The following EPHB6 variants were observed in gnomAD, a reference collection of about 807,000 sequenced individuals.
EPHB6 encodes ephrin type-B receptor 6.
In EPHB6, 51 loss-of-function variants were observed where a neutral mutation model predicts 107.0. The ratio of observed to expected loss-of-function variants is 0.48; its 90% CI spans 0.38 to 0.60. EPHB6 has a LOEUF of 0.60. EPHB6 is among the 20% of genes least tolerant of loss of function. The pLI is 0.00. For synonymous variants in EPHB6, 553 were observed against 549.0 expected, an observed-to-expected ratio of 1.01 and a Z score of -0.10; for missense variants, 1,141 against 1,355.5, an observed-to-expected ratio of 0.84 and a Z score of 2.48.
In EPHB6 at chr7:142,867,768, A is replaced by G; in HGVS notation, c.1865+46A>G. ...AACTCTGCCCAGCACCATTAACTCC[A>G]CAGCCAAACCTCAAGTCCTGCCAAG... On this transcript the variant is annotated intron_variant, in intron 12 of 19. Coordinates refer to ENST00000652003, the MANE Select transcript of EPHB6 (RefSeq NM_004445.6). The surrounding 1 kb of genome is among the most constrained non-coding windows in gnomAD (Gnocchi z 5.3). 1 of 1,546,416 alleles carries G rather than the reference A, an allele frequency of 6.5e-7. No homozygotes were observed. Among genetic ancestry groups the G allele is most frequent in the Non-Finnish European group, 8.8e-7 (1 of 1,137,268 alleles).
chr7:142,866,693 G>A lies in EPHB6; in HGVS notation c.1587+88G>A, dbSNP rs1385848450. 1.1e-5 allele frequency: 18 copies of A among 1,608,030 alleles called. No individual in the cohort carries two copies. Among genetic ancestry groups the A allele is most frequent in the Non-Finnish European group, 1.5e-5 (18 of 1,177,626 alleles). Reference sequence around the variant, plus strand: ...GGCCCAGAGGTGACCAGGTGCACAGGAGGAATGAGGGGTCCGCAACAGGGC... The same window carrying A: ...GGCCCAGAGGTGACCAGGTGCACAGAAGGAATGAGGGGTCCGCAACAGGGC... On this transcript the variant is annotated intron_variant, in intron 10 of 19. Transcript: ENST00000652003. This position sits in a 1 kb window ranked among gnomAD's most constrained non-coding sequence, Gnocchi z 5.2.
rs6944571 is a variant in EPHB6 at position 142,868,408 on chromosome 7, G to C, written c.2038+48G>C. On this transcript the variant is annotated intron_variant, in intron 14 of 19. Coordinates refer to ENST00000652003, the MANE Select transcript of EPHB6 (RefSeq NM_004445.6). This position sits in a 1 kb window ranked among gnomAD's most constrained non-coding sequence, Gnocchi z 4.2. Reference sequence around the variant, plus strand: ...ATCAGAGCGACGGGGCTCCCTTGTGGCCTCCGCTGGCCAGAGTCCCATCCA... The same window carrying C: ...ATCAGAGCGACGGGGCTCCCTTGTGCCCTCCGCTGGCCAGAGTCCCATCCA... 0.54 allele frequency: 871,716 copies of C among 1,613,742 alleles called. 246,285 individuals are homozygous for C. Among genetic ancestry groups the C allele is most frequent in the East Asian group, 0.87 (39,162 of 44,842 alleles).
rs1296617254 is a variant in EPHB6, at chr7:142,870,591, G to T, written c.2866G>T (p.Ala956Ser). ...LDFPCLDSPQAWLSAIGLECY... is the reference protein window; with the variant it reads ...LDFPCLDSPQSWLSAIGLECY... ...CTTTCCTTGTCTGGACTCACCCCAG[G>T]CCTGGCTTTCAGCCATTGGACTGGA... Residue 956 changes from alanine (A) to serine (S), a missense_variant, in exon 19 of 20, where the codon GCC (alanine) becomes TCC (serine). Physicochemically the swap from Ala to Ser is moderately conservative, Grantham distance 99. This residue lies in a region of EPHB6 where 616 missense variants were observed against 759.3 expected (regional missense o/e 0.81). Coordinates refer to ENST00000652003, the MANE Select transcript of EPHB6 (RefSeq NM_004445.6). 2 of 1,614,228 alleles carry T rather than the reference G, an allele frequency of 1.2e-6. No homozygotes were observed. The highest frequency in any genetic ancestry group is 1.7e-5 in the Admixed American group (1 of 60,026).
rs1348266585 is a variant in EPHB6 at position 142,866,859 on chromosome 7, A to G, written c.1588-47A>G. ...GGCTGGGGGCCTTAGGGGCAGAAGC[A>G]GGGGCAAGAGGGGGCCAGGCAGGGA... On this transcript the variant is annotated intron_variant, in intron 10 of 19. Coordinates refer to ENST00000652003, the MANE Select transcript of EPHB6 (RefSeq NM_004445.6). The surrounding 1 kb of genome is among the most constrained non-coding windows in gnomAD (Gnocchi z 5.2). 5 of 1,613,608 alleles carry G rather than the reference A, an allele frequency of 3.1e-6. No individual in the cohort carries two copies. Among genetic ancestry groups the G allele is most frequent in the Non-Finnish European group, 3.4e-6 (4 of 1,179,812 alleles).
rs774101812 is a variant in EPHB6 at position 142,864,368 on chromosome 7, C to T, written c.568C>T (p.Arg190Trp). Residue 190 changes from arginine (R) to tryptophan (W), a missense_variant, in exon 7 of 20, where the codon CGG becomes TGG. By Grantham distance (101) the Arg-to-Trp change is moderately radical. This residue lies in a region of EPHB6 where 221 missense variants were observed against 300.5 expected (regional missense o/e 0.74). Coordinates refer to ENST00000652003, the MANE Select transcript of EPHB6 (RefSeq NM_004445.6). The stretch of plus-strand genomic sequence containing the variant: ...TGTGGGACCCCACGGGGCTGGGCAG[C>T]GGGCTGGACTGCAACTGAACGTCAA... ...WAVGPHGAGQ[R>W]AGLQLNVKER... is the part of the protein sequence containing the mutation. 5.0e-6 allele frequency: 8 copies of T among 1,613,248 alleles called. No individual in the cohort carries two copies. The highest frequency in any genetic ancestry group is 5.1e-6 in the Non-Finnish European group (6 of 1,179,978).
rs1008598265 is a variant in EPHB6 at position 142,858,994 on chromosome 7, G to A, written c.-431-2058G>A. 7.2e-5 allele frequency among the ~76,000 whole-genome samples: 11 copies of A among 152,222 alleles called. No homozygotes were observed. In the South Asian group the frequency reaches 1.9e-3, roughly 26 times the overall value. On this transcript the variant is annotated intron_variant, in intron 1 of 19. Coordinates refer to ENST00000652003, the MANE Select transcript of EPHB6 (RefSeq NM_004445.6). The stretch of plus-strand genomic sequence containing the variant: ...CCTAAAACTTTGTCTAATCCGTCTC[G>A]TTTTCTCCACCATTGTTTTATGTTC...
chr7:142,861,690 T>A (rs1802849597), intron 2 of EPHB6, among the ~76,000 whole-genome samples: 1 of 152,268 alleles, frequency 6.6e-6, no homozygotes, highest in African/African-American at 2.4e-5. Flanking sequence ...AATTTTACTG[T>A]CTTCCAATTG....
Position 142,866,056 on chromosome 7 carries a change from A to T in EPHB6, c.1202A>T (p.Asp401Val). ...CCTCGGGAGCTGGGGGGTCGAGGGG[A>T]CCTGCTCTTCAATGTCGTGTGCAAG... ...RLPRELGGRG[D>V]LLFNVVCKEC... is the part of the protein sequence containing the mutation. Residue 401 changes from aspartate to valine, a missense_variant, in exon 9 of 20, where the codon GAC (aspartate) becomes GTC (valine). Physicochemically the swap from Asp to Val is radical, Grantham distance 152 (BLOSUM62 -3). Coordinates refer to ENST00000652003, the MANE Select transcript of EPHB6 (RefSeq NM_004445.6). The surrounding 1 kb of genome is among the most constrained non-coding windows in gnomAD (Gnocchi z 5.2). The T allele has an allele frequency of 6.2e-7, 1 of 1,611,984 alleles. No individual in the cohort carries two copies. The highest frequency in any genetic ancestry group is 8.5e-7 in the Non-Finnish European group (1 of 1,179,072).
chr7:142,867,782 A>G lies in EPHB6; in HGVS notation c.1865+60A>G, dbSNP rs1220716868. On this transcript the variant is annotated intron_variant, in intron 12 of 19. Coordinates refer to ENST00000652003, the MANE Select transcript of EPHB6 (RefSeq NM_004445.6). This position sits in a 1 kb window ranked among gnomAD's most constrained non-coding sequence, Gnocchi z 5.3. ...CCATTAACTCCACAGCCAAACCTCA[A>G]GTCCTGCCAAGTCTGGAGCCCCCTG... 6.6e-7 allele frequency: 1 copy of G among 1,508,384 alleles called. No homozygotes were observed. Among genetic ancestry groups the G allele is most frequent in the Non-Finnish European group, 9.0e-7 (1 of 1,109,108 alleles). 93.4% of individuals were successfully genotyped at this position (1,508,384 alleles called of 1,614,324 possible).
chr7:142,870,456 A>C, intron 18 of EPHB6, 49 bp downstream of exon 18: 2 of 1,613,884 alleles, frequency 1.2e-6, no homozygotes, highest in Non-Finnish European at 1.7e-6. Context: ...GGGTAGATGC[A>C]AACCTAAAGA....
At chr7:142,865,449 GC>G in intron 7 of EPHB6, 25 bp from the exon 8 acceptor site, 1 of 1,611,970 alleles carries the variant, frequency 6.2e-7, no homozygotes. Flanking sequence ...CGAGTGTGAC[GC>G]CCCCACTCTC....
chr7:142,865,054 A>G (rs1431510072), intron 7 of EPHB6, among the ~76,000 whole-genome samples: 5 of 152,176 alleles, frequency 3.3e-5, no homozygotes, highest in Non-Finnish European at 7.4e-5. Flanking sequence ...TTACTATGGA[A>G]TAGAGTCCTT....
Position 142,868,330 on chromosome 7 carries a change from T to C in EPHB6, c.2008T>C (p.Tyr670His), listed in dbSNP as rs1388820774. The C allele has an allele frequency of 6.2e-7, 1 of 1,614,030 alleles. No homozygotes were observed. Among genetic ancestry groups the C allele is most frequent in the Admixed American group, 1.7e-5 (1 of 60,016 alleles). The stretch of plus-strand genomic sequence containing the variant: ...ACTTGCCCGGGAAGTCGATCCTGCT[T>C]ATATCAAGATTGAGGAGGTCATTGG... ...RELAREVDPA[Y>H]IKIEEVIGTG... The change falls in exon 14 of 20, where the codon TAT becomes CAT. Residue 670 changes from tyrosine (Y) to histidine (H), a missense_variant. By Grantham distance (83) the Tyr-to-His change is moderately conservative (BLOSUM62 2). Around this residue, in one of 3 missense-constraint regions of EPHB6, gnomAD observed 616 missense variants for 759.3 expected, o/e 0.81. Coordinates refer to ENST00000652003, the MANE Select transcript of EPHB6 (RefSeq NM_004445.6). The surrounding 1 kb of genome is among the most constrained non-coding windows in gnomAD (Gnocchi z 4.2).
Position 142,857,225 on chromosome 7 carries a change from C to T in EPHB6, c.-432+1840C>T, listed in dbSNP as rs527456800. The stretch of plus-strand genomic sequence containing the variant: ...GTCACAGTGCTCTGGGGGACATTCT[C>T]AGGGGCTGGAGGCCTCCAGGGACAC... On this transcript the variant is annotated intron_variant, in intron 1 of 19. Transcript: ENST00000652003. 3.9e-5 allele frequency among the ~76,000 whole-genome samples: 6 copies of T among 152,300 alleles called. No homozygotes were observed. In the East Asian group the frequency reaches 5.8e-4, roughly 15 times the overall value.
chr7:142,867,155 T>C lies in EPHB6; in HGVS notation c.1750+87T>C. The C allele has an allele frequency of 6.7e-7, 1 of 1,502,066 alleles. No homozygotes were observed. The highest frequency in any genetic ancestry group is 8.9e-7 in the Non-Finnish European group (1 of 1,117,392). 93.0% of individuals were successfully genotyped at this position (1,502,066 alleles called of 1,614,324 possible). On this transcript the variant is annotated intron_variant, in intron 11 of 19. Coordinates refer to ENST00000652003, the MANE Select transcript of EPHB6 (RefSeq NM_004445.6). The surrounding 1 kb of genome is among the most constrained non-coding windows in gnomAD (Gnocchi z 5.3). Reference sequence around the variant, plus strand: ...CCAGGGACTGTCCGGCCTTGAACCCTGGCCCCGTGCTTCCCAACCAGAAGT... The same window carrying C: ...CCAGGGACTGTCCGGCCTTGAACCCCGGCCCCGTGCTTCCCAACCAGAAGT...
rs1563345840 is a variant in EPHB6 at position 142,868,036 on chromosome 7, A to G, written c.1905A>G (p.Gln635=). The G allele has an allele frequency of 1.3e-6, 2 of 1,597,018 alleles. No individual in the cohort carries two copies. The highest frequency in any genetic ancestry group is 8.5e-7 in the Non-Finnish European group (1 of 1,171,790). Residue 635 remains glutamine (Q), a synonymous_variant, in exon 13 of 20, where the codon CAA becomes CAG. Coordinates refer to ENST00000652003, the MANE Select transcript of EPHB6 (RefSeq NM_004445.6). This position sits in a 1 kb window ranked among gnomAD's most constrained non-coding sequence, Gnocchi z 4.2. ...RGTGYTEQLQ[Q]YSSPGLGVKY... ...CTGGCTACACAGAGCAGCTGCAGCA[A>G]TACAGCAGCCCAGGTGGGGATGAGG...
chr7:142,864,214 C>G lies in EPHB6; in HGVS notation c.414C>G (p.Pro138=), dbSNP rs142367849. The change falls in exon 7 of 20, where the codon CCC becomes CCG. Residue 138 remains proline, a synonymous_variant. Transcript: ENST00000652003. ...FTLYYRQAEE[P]DSPDSVSSWH... ...TTTACTACCGTCAGGCTGAGGAGCCCGACAGCCCTGACAGCGTTTCCTCCT... is the reference window on the plus strand; with the variant it reads ...TTTACTACCGTCAGGCTGAGGAGCCGGACAGCCCTGACAGCGTTTCCTCCT... 37 of 1,613,752 alleles carry G rather than the reference C, an allele frequency of 2.3e-5. No individual in the cohort carries two copies. In the African/African-American group the frequency reaches 4.0e-4, roughly 17 times the overall value.
chr7:142,865,556 C>T lies in EPHB6; in HGVS notation c.1031C>T (p.Pro344Leu). 3.1e-6 allele frequency: 5 copies of T among 1,613,754 alleles called. No homozygotes were observed. The highest frequency in any genetic ancestry group is 4.2e-6 in the Non-Finnish European group (5 of 1,180,014). The part of the protein sequence containing the change: ...PCPARSHAPN[P>L]AAPVCPCLEG... ...CCTGCCCGCAGTCACGCTCCCAACC[C>T]AGCAGCCCCCGTTTGCCCCTGCCTG... The change falls in exon 8 of 20, where the codon CCA (proline) becomes CTA (leucine). Residue 344 changes from proline to leucine, a missense_variant. By Grantham distance (98) the Pro-to-Leu change is moderately conservative. Coordinates refer to ENST00000652003, the MANE Select transcript of EPHB6 (RefSeq NM_004445.6).
chr7:142,870,997 C>T lies in EPHB6; in HGVS notation c.*93C>T, dbSNP rs1235853691. ...GCTCCAACAGCCTCTGTGAGAGATG[C>T]CCCACACCAAACCCAACCCTCCCGA... On this transcript the variant is annotated 3_prime_UTR_variant, in exon 20 of 20. Transcript: ENST00000652003. 8.1e-7 allele frequency: 1 copy of T among 1,228,144 alleles called. No individual in the cohort carries two copies. The highest frequency in any genetic ancestry group is 1.1e-6 in the Non-Finnish European group (1 of 872,700). 76.1% of individuals were successfully genotyped at this position (1,228,144 alleles called of 1,614,324 possible).
Sources: allele counts gnomAD v4.1 joint callset (sites outside exome capture counted in the v4.1 genomes callset), GRCh38; gene constraint gnomAD v4.1.1; regional missense constraint gnomAD v4.1.1; non-coding constraint Gnocchi (gnomAD v3.1); transcripts MANE v1.5; gene names NCBI Gene and HGNC (gene_info 2026-07-23, HGNC 2026-07-21).